The following RANBP2 variants were observed in gnomAD, a reference collection of about 807,000 sequenced individuals.
RANBP2 encodes RAN binding protein 2.
In RANBP2, 57 loss-of-function variants were observed where a neutral mutation model predicts 303.6. That is an observed-to-expected ratio of 0.19 (90% CI 0.15 to 0.23). The LOEUF is 0.23. Among genes scored for constraint, RANBP2 ranks in the 10% least tolerant of loss-of-function variants. RANBP2 has a pLI of 1.00. For missense variants in RANBP2, 3,138 were observed against 3,780.8 expected (o/e 0.83, Z 4.46); for synonymous variants, 1,167 against 1,301.5 (o/e 0.90, Z 2.23).
At chr2:109,574,897 A>C in the RANBP2 span, 1 of 526,856 alleles carries the variant, frequency 1.9e-6, no homozygotes. Flanking sequence ...TGAACAGATT[A>C]ACTTTAGTGA....
chr2:108,743,190 G>T (rs1558891627), intron 7 of RANBP2, among the ~76,000 whole-genome samples: 1 of 152,180 alleles, frequency 6.6e-6, no homozygotes, highest in African/African-American at 2.4e-5. Flanking sequence ...CATAATCATA[G>T]CTCACTGTAA....
At position 108,719,568 on chromosome 2, in the gene RANBP2, G is replaced by C. The variant is rs546903442; in HGVS notation, c.-39G>C. On this transcript the variant is annotated 5_prime_UTR_variant, in exon 1 of 29. Coordinates refer to ENST00000283195, the MANE Select transcript of RANBP2 (RefSeq NM_006267.5). ...AGTGGCGACTGCTGCGGGCCTGAGC[G>C]CTGGTCTCACGCGCCTCGGGAGCCA... is the stretch of plus-strand genomic sequence containing the variant. 5 of 1,584,612 alleles carry C rather than the reference G, an allele frequency of 3.2e-6. No individual in the cohort carries two copies. The South Asian group carries it at 5.7e-5, about 18-fold the overall frequency.
At chr2:108,808,805 A>G in the RANBP2 span, among the ~76,000 whole-genome samples, 2 of 151,910 alleles carry the variant, frequency 1.3e-5, no homozygotes, top group Non-Finnish European at 2.9e-5. Context: ...AGGTTGTATC[A>G]TTATTCTTTT....
At chr2:108,938,895 T>C in the RANBP2 span, among the ~76,000 whole-genome samples, 1 of 141,388 alleles carries the variant, frequency 7.1e-6, no homozygotes, top group Admixed American at 7.7e-5. Context: ...TTCTCCTGCC[T>C]CAGCCTCTCG....
the RANBP2 span, among the ~76,000 whole-genome samples, chr2:108,924,347 G>A: frequency 2.6e-5 from 4 of 152,212 alleles, no homozygotes; most frequent in Non-Finnish European, 5.9e-5. Flanking sequence ...GGGGCTCCCA[G>A]CTCGGGCGCC....
At chr2:108,962,606 C>T in the RANBP2 span, among the ~76,000 whole-genome samples, 5 of 138,206 alleles carry the variant, frequency 3.6e-5, no homozygotes, top group Non-Finnish European at 4.5e-5. Flanking sequence ...ACCCAGGAGG[C>T]GGAGCTTGCA....
At chr2:109,101,004 T>A in the RANBP2 span, among the ~76,000 whole-genome samples, 4 of 151,504 alleles carry the variant, frequency 2.6e-5, no homozygotes, top group African/African-American at 9.7e-5. Flanking sequence ...AAGTGAGGAG[T>A]GGCGGGGTTC....
chr2:109,473,822 G>A, the RANBP2 span, among the ~76,000 whole-genome samples: 4 of 150,116 alleles, frequency 2.7e-5, no homozygotes, highest in East Asian at 2.0e-4. Context: ...CACCTTAGCC[G>A]CAGGCTGTCT....
chr2:108,910,930 C>A, the RANBP2 span: 5 of 1,613,922 alleles, frequency 3.1e-6, no homozygotes, highest in African/African-American at 5.3e-5. Context: ...AGGGCACCGG[C>A]GCATGGGGGC....
At chr2:109,071,085 A>T in the RANBP2 span, among the ~76,000 whole-genome samples, 1 of 152,136 alleles carries the variant, frequency 6.6e-6, no homozygotes, top group Non-Finnish European at 1.5e-5. Context: ...GAGCAGGGAG[A>T]TCAGTGGTGC....
At chr2:109,574,383 C>A in the RANBP2 span, among the ~76,000 whole-genome samples, 4 of 144,506 alleles carry the variant, frequency 2.8e-5, no homozygotes, top group African/African-American at 1.0e-4. Flanking sequence ...GGGTTTGAGG[C>A]TGCAGTAAGC....
intron 3 of RANBP2, 132 bp downstream of exon 3, chr2:108,731,017 A>G (rs1433422751): frequency 4.2e-6 from 5 of 1,196,762 alleles, no homozygotes; most frequent in Non-Finnish European, 6.0e-6. Context: ...CAGTTACGTG[A>G]CACAGCTTGG....
chr2:109,387,096 G>A, the RANBP2 span, among the ~76,000 whole-genome samples: 3 of 152,150 alleles, frequency 2.0e-5, no homozygotes, highest in African/African-American at 7.2e-5. Flanking sequence ...GAGAAAGAAC[G>A]AGGTGAAACG....
the RANBP2 span, among the ~76,000 whole-genome samples, chr2:108,932,881 T>C: frequency 6.6e-6 from 1 of 152,220 alleles, no homozygotes; most frequent in Non-Finnish European, 1.5e-5. Flanking sequence ...AACTAATCAG[T>C]TAACTGGCTG....
chr2:109,624,989 G>A, the RANBP2 span, among the ~76,000 whole-genome samples: 1 of 150,398 alleles, frequency 6.6e-6, no homozygotes, highest in Non-Finnish European at 1.5e-5. Context: ...GCTGAGGCAG[G>A]AGAATTGCTT....
chr2:109,190,002 A>G, the RANBP2 span, among the ~76,000 whole-genome samples: 1 of 152,218 alleles, frequency 6.6e-6, no homozygotes, highest in Non-Finnish European at 1.5e-5. Context: ...GTGGTTTATC[A>G]TGGAAGAAGT....
the RANBP2 span, among the ~76,000 whole-genome samples, chr2:109,011,182 T>C: frequency 2.0e-5 from 3 of 152,222 alleles, no homozygotes; most frequent in African/African-American, 4.8e-5. Flanking sequence ...GGGAAGCCCA[T>C]GTTTTCCTTT....
Position 108,753,988 on chromosome 2 carries a change from T to C in RANBP2, c.2202+17T>C, listed in dbSNP as rs1317354269. 3 of 1,611,632 alleles carry C rather than the reference T, an allele frequency of 1.9e-6. No homozygotes were observed. The highest frequency in any genetic ancestry group is 2.7e-5 in the African/African-American group (2 of 74,846). ...GTCAAGAAAGTAAGTAGCAGGTTGT[T>C]GTATGTACGTTCTTACTGATAACCC... is the stretch of plus-strand genomic sequence containing the variant. On this transcript the variant is annotated intron_variant, in intron 15 of 28. Transcript: ENST00000283195.
the RANBP2 span, among the ~76,000 whole-genome samples, chr2:109,769,699 AAC>A: frequency 1.2e-5 from 1 of 81,016 alleles, no homozygotes; most frequent in African/African-American, 4.3e-5. Flanking sequence ...AAGTTCTTGC[AAC>A]AGTGTTTAGC....
Sources: allele counts gnomAD v4.1 joint callset (sites outside exome capture counted in the v4.1 genomes callset), GRCh38; gene constraint gnomAD v4.1.1; transcripts MANE v1.5; gene names NCBI Gene and HGNC (gene_info 2026-07-23, HGNC 2026-07-21).